The following CLSTN2 variants were observed in gnomAD, a reference collection of about 807,000 sequenced individuals.
CLSTN2 encodes the protein calsyntenin 2, also known as calsyntenin-2.
A neutral mutation model predicts 101.2 loss-of-function variants in CLSTN2; 48 were observed. The observed-to-expected ratio is 0.47, with a 90% CI of 0.38 to 0.60. CLSTN2 has a LOEUF of 0.60. CLSTN2 is among the 20% of genes least tolerant of loss of function. The pLI is 0.00. For missense variants in CLSTN2, 1,160 were observed against 1,238.2 expected (o/e 0.94, Z 0.95); for synonymous variants, 481 against 463.6 (o/e 1.04, Z -0.48).
intron 2 of CLSTN2, among the ~76,000 whole-genome samples, chr3:140,300,823 T>C (rs2087051674): frequency 6.6e-6 from 1 of 152,074 alleles, no homozygotes; most frequent in Non-Finnish European, 1.5e-5. Flanking sequence ...TATGCATACA[T>C]AAAGAGATTT....
chr3:140,337,538 C>G (rs2087455285), intron 2 of CLSTN2, among the ~76,000 whole-genome samples: 1 of 152,192 alleles, frequency 6.6e-6, no homozygotes, highest in South Asian at 2.1e-4. Context: ...ACATTACATT[C>G]ACAGGTACCA....
chr3:140,019,492 A>G (rs2007265046), intron 1 of CLSTN2, among the ~76,000 whole-genome samples: 1 of 151,606 alleles, frequency 6.6e-6, no homozygotes, highest in Non-Finnish European at 1.5e-5. Context: ...TTTCTCTCTC[A>G]CTCTTTTTCT....
At chr3:140,300,550 C>T (rs369146895) in intron 2 of CLSTN2, among the ~76,000 whole-genome samples, 1 of 152,132 alleles carries the variant, frequency 6.6e-6, no homozygotes, top group Admixed American at 6.5e-5. Context: ...CAGAGCCCAG[C>T]ACAGGGTTCT....
At chr3:140,244,673 G>A (rs971754567) in intron 2 of CLSTN2, among the ~76,000 whole-genome samples, 1 of 152,090 alleles carries the variant, frequency 6.6e-6, no homozygotes, top group Non-Finnish European at 1.5e-5. Flanking sequence ...CCAAGACCAA[G>A]GCCTCACTTA....
At chr3:140,543,388 C>T (rs1382566367) in intron 9 of CLSTN2, among the ~76,000 whole-genome samples, 1 of 152,202 alleles carries the variant, frequency 6.6e-6, no homozygotes, top group African/African-American at 2.4e-5. Context: ...AGCCGTGGGC[C>T]ATCTCAACTA....
intron 1 of CLSTN2, among the ~76,000 whole-genome samples, chr3:139,987,279 A>C (rs1403266983): frequency 6.6e-6 from 1 of 152,222 alleles, no homozygotes; most frequent in Non-Finnish European, 1.5e-5. Context: ...ATGGTCTTAA[A>C]ATGTTTATAC....
At chr3:140,117,767 C>T (rs891695144) in intron 1 of CLSTN2, among the ~76,000 whole-genome samples, 5 of 152,142 alleles carry the variant, frequency 3.3e-5, no homozygotes, top group African/African-American at 7.2e-5. Context: ...TTATGCCCAT[C>T]TTACAGATGG....
intron 2 of CLSTN2, among the ~76,000 whole-genome samples, chr3:140,273,566 C>A (rs914486676): frequency 1.1e-4 from 17 of 152,220 alleles, no homozygotes; most frequent in African/African-American, 3.6e-4. Context: ...TGCAGAGGAA[C>A]ATCTGTATAA....
At chr3:140,134,929 G>A (rs1000909172) in intron 1 of CLSTN2, among the ~76,000 whole-genome samples, 3 of 151,702 alleles carry the variant, frequency 2.0e-5, no homozygotes, top group African/African-American at 2.4e-5. Flanking sequence ...AGGTTGGAAA[G>A]GTGACTATAT....
chr3:140,070,513 T>C (rs1291845385), intron 1 of CLSTN2, among the ~76,000 whole-genome samples: 1 of 152,176 alleles, frequency 6.6e-6, no homozygotes, highest in Non-Finnish European at 1.5e-5. Context: ...TAACAAGAAA[T>C]GTTCAGGAGC....
intron 2 of CLSTN2, among the ~76,000 whole-genome samples, chr3:140,375,905 G>A (rs575511766): frequency 6.6e-6 from 1 of 152,102 alleles, no homozygotes; most frequent in South Asian, 2.1e-4. Flanking sequence ...CATCTTGGAT[G>A]CCCAGAAACA....
rs1030847347 is a variant in CLSTN2, at chr3:140,048,639, A to G, written c.109+113156A>G. ...GAGATTAGATAGATTGCCTAGGGTC[A>G]TATAGCTAGAGAGTAGAAGAGCTGG... On this transcript the variant is annotated intron_variant, in intron 1 of 16. Coordinates refer to ENST00000458420, the MANE Select transcript of CLSTN2 (RefSeq NM_022131.3). 1.1e-4 allele frequency among the ~76,000 whole-genome samples: 17 copies of G among 152,342 alleles called. No individual in the cohort carries two copies. The East Asian group carries it at 3.1e-3, about 28-fold the overall frequency.
chr3:140,471,215 A>G (rs1228455107), intron 8 of CLSTN2, among the ~76,000 whole-genome samples: 1 of 152,222 alleles, frequency 6.6e-6, no homozygotes, highest in African/African-American at 2.4e-5. Context: ...CCCAGCTGCC[A>G]GCACACACAG....
intron 9 of CLSTN2, among the ~76,000 whole-genome samples, chr3:140,540,785 T>TA: frequency 1.3e-5 from 2 of 152,340 alleles, no homozygotes; most frequent in South Asian, 4.2e-4. Flanking sequence ...TGCATATTTT[T>TA]ACCTCAAAAT....
chr3:140,330,723 A>T (rs553315165), intron 2 of CLSTN2, among the ~76,000 whole-genome samples: 2 of 152,352 alleles, frequency 1.3e-5, no homozygotes, highest in Admixed American at 6.5e-5. Flanking sequence ...CAAAAAAGCC[A>T]AATAGCTCTA....
intron 2 of CLSTN2, among the ~76,000 whole-genome samples, chr3:140,193,457 T>C (rs1276512519): frequency 2.0e-5 from 3 of 151,914 alleles, no homozygotes; most frequent in Non-Finnish European, 4.4e-5. Context: ...ACCTGAAAAA[T>C]GTTGTGCCCT....
At chr3:139,978,096 A>C (rs1028438628) in intron 1 of CLSTN2, among the ~76,000 whole-genome samples, 11 of 152,126 alleles carry the variant, frequency 7.2e-5, no homozygotes, top group African/African-American at 2.4e-4. Flanking sequence ...GCTGAGAGAG[A>C]AACAAAAGAG....
intron 5 of CLSTN2, among the ~76,000 whole-genome samples, chr3:140,432,740 A>G (rs1166678330): frequency 2.6e-5 from 4 of 152,202 alleles, no homozygotes; most frequent in Non-Finnish European, 5.9e-5. Context: ...CCTGTGGATA[A>G]GCCTGGGTAA....
chr3:139,944,803 G>A (rs1935190074), intron 1 of CLSTN2, among the ~76,000 whole-genome samples: 1 of 152,208 alleles, frequency 6.6e-6, no homozygotes, highest in Non-Finnish European at 1.5e-5. Flanking sequence ...TGCCCATCAG[G>A]CCTTTCCCTT....
Sources: gnomAD v4.1 joint callset for allele counts (sites outside exome capture counted in the v4.1 genomes callset) on GRCh38, gnomAD v4.1.1 for gene constraint, MANE v1.5 for transcripts, NCBI Gene and HGNC (gene_info 2026-07-23, HGNC 2026-07-21) for gene names.